The following CSMD1 variants were observed in gnomAD, a reference collection of about 807,000 sequenced individuals.
The protein encoded by CSMD1 is CUB and sushi domain-containing protein 1.
Under a neutral mutation model 417.5 loss-of-function variants are expected in CSMD1, and 213 were observed. The observed-to-expected ratio is 0.51, with a 90% CI of 0.46 to 0.57. CSMD1 has a LOEUF of 0.57. CSMD1 is among the 20% of genes least tolerant of loss of function. The pLI is 0.00. For synonymous variants in CSMD1, 2,862 were observed against 1,736.8 expected, an observed-to-expected ratio of 1.65 and a Z score of -16.11; for missense variants, 6,923 against 4,529.7, an observed-to-expected ratio of 1.53 and a Z score of -15.17.
In CSMD1 at chr8:4,198,585, G is replaced by A. The variant is rs114784924; in HGVS notation, c.416-166486C>T. On this transcript the variant is annotated intron_variant, in intron 3 of 69. Transcript: ENST00000635120. ...GAACGTGCACAAGGAATTTTTCAGCGCCTTTGATTTTAACGTAATGAGTCT... is the reference window on the plus strand; with the variant it reads ...GAACGTGCACAAGGAATTTTTCAGCACCTTTGATTTTAACGTAATGAGTCT... 2.9e-3 allele frequency among the ~76,000 whole-genome samples: 440 copies of A among 152,190 alleles called. 1 individual carries two copies. Among genetic ancestry groups the A allele is most frequent in the African/African-American group, 0.01 (418 of 41,530 alleles).
intron 2 of CSMD1, among the ~76,000 whole-genome samples, chr8:4,610,185 A>T (rs1325461851): frequency 6.6e-6 from 1 of 152,124 alleles, no homozygotes; most frequent in Non-Finnish European, 1.5e-5. Flanking sequence ...CTTCATTTAA[A>T]ACTAGGATGT....
At position 3,106,536 on chromosome 8, in the gene CSMD1, G is replaced by A; in HGVS notation, c.6941C>T (p.Thr2314Ile). Residue 2314 changes from threonine (T) to isoleucine (I), a missense_variant, in exon 46 of 70, where the codon ACA becomes ATA. Thr to Ile is a moderately conservative substitution (Grantham distance 89). Coordinates refer to ENST00000635120, the MANE Select transcript of CSMD1 (RefSeq NM_033225.6). ...SQLQFEGSLP[T>I]CEAQCPANEV... ...TATCGAACAGTGCATACCTTCACATGTTGGGAGAGAACCCTCAAACTGCAA... is the reference window on the plus strand; with the variant it reads ...TATCGAACAGTGCATACCTTCACATATTGGGAGAGAACCCTCAAACTGCAA... The A allele has an allele frequency of 1.9e-6, 3 of 1,609,984 alleles. No homozygotes were observed. Among genetic ancestry groups the A allele is most frequent in the Non-Finnish European group, 2.6e-6 (3 of 1,176,366 alleles).
intron 2 of CSMD1, among the ~76,000 whole-genome samples, chr8:4,570,847 G>A (rs1340445005): frequency 2.6e-5 from 4 of 152,022 alleles, no homozygotes; most frequent in Non-Finnish European, 5.9e-5. Context: ...TTCGGGATTC[G>A]GCTTCTTCCT....
At chr8:4,189,335 G>A (rs997352741) in intron 3 of CSMD1, among the ~76,000 whole-genome samples, 2 of 152,076 alleles carry the variant, frequency 1.3e-5, no homozygotes, top group Non-Finnish European at 2.9e-5. Flanking sequence ...TGCCAACTGT[G>A]TTTATTAGGA....
Position 3,850,407 on chromosome 8 carries a change from G to T in CSMD1, c.819-96365C>A, listed in dbSNP as rs192936464. The stretch of plus-strand genomic sequence containing the variant: ...CACTGAATTCAACTCCTCAAAATTC[G>T]CATTAAGCCTGGCATGGTGGCTCAG... On this transcript the variant is annotated intron_variant, in intron 5 of 69. Coordinates refer to ENST00000635120, the MANE Select transcript of CSMD1 (RefSeq NM_033225.6). Among the ~76,000 whole-genome samples the T allele has an allele frequency of 2.0e-5, 3 of 152,006 alleles. No individual in the cohort carries two copies. The South Asian group carries it at 6.2e-4, about 32-fold the overall frequency.
intron 50 of CSMD1, among the ~76,000 whole-genome samples, chr8:3,048,565 C>A (rs1036452993): frequency 1.3e-5 from 2 of 152,040 alleles, no homozygotes; most frequent in Non-Finnish European, 2.9e-5. Flanking sequence ...AGACCTTTTG[C>A]CCTTCAGAAA....
rs1225065920 is a variant in CSMD1 at position 4,147,780 on chromosome 8, G to C, written c.416-115681C>G. 2.6e-5 allele frequency among the ~76,000 whole-genome samples: 4 copies of C among 152,058 alleles called. No individual in the cohort carries two copies. The South Asian group carries it at 8.3e-4, about 32-fold the overall frequency. On this transcript the variant is annotated intron_variant, in intron 3 of 69. Coordinates refer to ENST00000635120, the MANE Select transcript of CSMD1 (RefSeq NM_033225.6). ...GCCATGGACTTGCCATGTGAGATCAGAGCCTGACCCAATGTGCCGACTCCA... is the reference window on the plus strand; with the variant it reads ...GCCATGGACTTGCCATGTGAGATCACAGCCTGACCCAATGTGCCGACTCCA...
chr8:4,708,742 A>G (rs1215973522), intron 1 of CSMD1, among the ~76,000 whole-genome samples: 1 of 152,148 alleles, frequency 6.6e-6, no homozygotes, highest in Admixed American at 6.5e-5. Flanking sequence ...AGATTCATAT[A>G]TAAAGTCCTA....
intron 9 of CSMD1, among the ~76,000 whole-genome samples, chr8:3,582,757 T>G (rs1800436649): frequency 6.6e-6 from 1 of 152,336 alleles, no homozygotes; most frequent in African/African-American, 2.4e-5. Context: ...GTTAGCATGA[T>G]ACTATTTGGG....
intron 1 of CSMD1, among the ~76,000 whole-genome samples, chr8:4,905,860 A>G (rs1805233633): frequency 7.0e-6 from 1 of 142,772 alleles, no homozygotes; most frequent in Non-Finnish European, 1.5e-5. Flanking sequence ...TAAAAAAGAA[A>G]TCTTACTATC....
At chr8:3,701,495 T>C (rs148337358) in intron 7 of CSMD1, among the ~76,000 whole-genome samples, 481 of 123,386 alleles carry the variant, frequency 3.9e-3, no homozygotes, top group Middle Eastern at 0.016. Context: ...CTCTTCAGGA[T>C]ATAGGATTAA....
chr8:3,170,271 G>A (rs528817159), intron 37 of CSMD1, among the ~76,000 whole-genome samples: 9 of 152,110 alleles, frequency 5.9e-5, no homozygotes, highest in Non-Finnish European at 1.2e-4. Flanking sequence ...GCAGTGGTGT[G>A]ATCTTGGCTC....
intron 41 of CSMD1, among the ~76,000 whole-genome samples, chr8:3,137,253 C>T (rs1023439603): frequency 5.3e-5 from 8 of 152,172 alleles, no homozygotes; most frequent in Non-Finnish European, 1.0e-4. Flanking sequence ...TAGCAATATC[C>T]GCAATGCGTA....
chr8:4,198,868 T>C (rs931874003), intron 3 of CSMD1, among the ~76,000 whole-genome samples: 4 of 152,298 alleles, frequency 2.6e-5, no homozygotes, highest in African/African-American at 9.6e-5. Flanking sequence ...ATCACGTATT[T>C]CCCCTTCCTT....
intron 41 of CSMD1, among the ~76,000 whole-genome samples, chr8:3,134,789 C>G (rs1036863657): frequency 6.6e-6 from 1 of 152,144 alleles, no homozygotes; most frequent in Non-Finnish European, 1.5e-5. Context: ...CAGCTGTGCA[C>G]ATTTTCACAA....
chr8:3,960,444 C>T lies in CSMD1; in HGVS notation c.818+37459G>A, dbSNP rs554255750. Among the ~76,000 whole-genome samples the T allele has an allele frequency of 1.8e-3, 275 of 152,224 alleles. 2 individuals carry two copies. The highest frequency in any genetic ancestry group is 6.5e-3 in the African/African-American group (269 of 41,544). On this transcript the variant is annotated intron_variant, in intron 5 of 69. Transcript: ENST00000635120. ...AGTCCCTCAATGCTAGTGAGAAATACAATTTTCAACACAGGGGCGAATATT... is the reference window on the plus strand; with the variant it reads ...AGTCCCTCAATGCTAGTGAGAAATATAATTTTCAACACAGGGGCGAATATT...
intron 12 of CSMD1, among the ~76,000 whole-genome samples, chr8:3,410,587 C>G (rs897609085): frequency 6.6e-6 from 1 of 152,162 alleles, no homozygotes; most frequent in East Asian, 1.9e-4. Flanking sequence ...TCCACCTTGC[C>G]TTCGCCATGA....
intron 1 of CSMD1, among the ~76,000 whole-genome samples, chr8:4,816,144 C>T (rs1246010331): frequency 6.6e-6 from 1 of 151,956 alleles, no homozygotes; most frequent in Non-Finnish European, 1.5e-5. Context: ...TTGTCTGAGG[C>T]TTTGCATGCT....
chr8:3,925,264 T>C (rs1342575713), intron 5 of CSMD1, among the ~76,000 whole-genome samples: 1 of 152,262 alleles, frequency 6.6e-6, no homozygotes, highest in Admixed American at 6.5e-5. Context: ...TTGGGGAATG[T>C]GCTTCAGCGA....
Sources: gnomAD v4.1 joint callset for allele counts (sites outside exome capture counted in the v4.1 genomes callset) on GRCh38, gnomAD v4.1.1 for gene constraint, MANE v1.5 for transcripts, NCBI Gene and HGNC (gene_info 2026-07-23, HGNC 2026-07-21) for gene names.